Variants in CPOX observed in about 807,000 individuals in gnomAD.
The protein encoded by CPOX is oxygen-dependent coproporphyrinogen-III oxidase, mitochondrial.
In CPOX, 24 loss-of-function variants were observed where a neutral mutation model predicts 48.9. That is an observed-to-expected ratio of 0.49 (90% CI 0.36 to 0.69). The LOEUF is 0.69. CPOX is among the 30% of genes least tolerant of loss of function. CPOX has a pLI of 0.00. For synonymous variants in CPOX, 249 were observed against 234.6 expected (o/e 1.06, Z -0.56); for missense variants, 549 against 597.3 (o/e 0.92, Z 0.84).
the CPOX span, among the ~76,000 whole-genome samples, chr3:98,573,852 T>C: frequency 6.6e-6 from 1 of 152,240 alleles, no homozygotes. Context: ...TTGTAATATT[T>C]GAGCCTTTAT....
In CPOX at chr3:98,593,124, G is replaced by A. The variant is rs928997800; in HGVS notation, c.381C>T (p.Cys127=). ...TCACAGGCGGGGCCATGAAGCTGCT[G>A]CAGCGGTGGGCCAGCTCATCCTCCT... is the stretch of plus-strand genomic sequence containing the variant. The part of the protein sequence containing the change: ...EEEEDELAHR[C]SSFMAPPVTD... Residue 127 remains cysteine, a synonymous_variant, in exon 1 of 7, where the codon TGC becomes TGT. Coordinates refer to ENST00000647941, the MANE Select transcript of CPOX (RefSeq NM_000097.7). 6.2e-7 allele frequency: 1 copy of A among 1,613,388 alleles called. No homozygotes were observed. The highest frequency in any genetic ancestry group is 1.7e-4 in the Middle Eastern group (1 of 6,058).
chr3:98,582,737 C>T (rs772541954), intron 5 of CPOX, among the ~76,000 whole-genome samples: 18 of 152,180 alleles, frequency 1.2e-4, no homozygotes, highest in Admixed American at 9.2e-4. Context: ...GTGATCTGCC[C>T]GCCTCGGCCT....
the CPOX span, among the ~76,000 whole-genome samples, chr3:98,573,277 A>G: frequency 5.6e-4 from 85 of 152,334 alleles, 1 homozygote; most frequent in African/African-American, 2.0e-3. Flanking sequence ...GAATCTCCCA[A>G]TCATAAAGTG....
At chr3:98,571,714 A>G in the CPOX span, among the ~76,000 whole-genome samples, 1 of 151,694 alleles carries the variant, frequency 6.6e-6, no homozygotes, top group Admixed American at 6.6e-5. Context: ...AAGAAAAAAA[A>G]GAAAACGCTG....
chr3:98,592,839 C>G, intron 1 of CPOX, 110 bp downstream of exon 1: 1 of 1,226,820 alleles, frequency 8.2e-7, no homozygotes, highest in South Asian at 1.3e-5. Context: ...TCTGTGGGTA[C>G]CCCCTACCTA....
intron 5 of CPOX, among the ~76,000 whole-genome samples, chr3:98,583,147 CT>C: frequency 6.6e-6 from 1 of 152,280 alleles, no homozygotes; most frequent in Admixed American, 6.5e-5. Context: ...AATGAATTTT[CT>C]GTTGGATCCT....
At chr3:98,589,246 G>A (rs1467453347) in intron 3 of CPOX, among the ~76,000 whole-genome samples, 2 of 152,156 alleles carry the variant, frequency 1.3e-5, no homozygotes, top group Non-Finnish European at 2.9e-5. Context: ...TTGAACCCAG[G>A]AGGTGGAGGT....
At chr3:98,579,112 C>T (rs953453923), downstream of CPOX, among the ~76,000 whole-genome samples, 5 of 152,194 alleles carry the variant, frequency 3.3e-5, no homozygotes, top group Admixed American at 2.0e-4. Context: ...AAGACCTTTA[C>T]GATGATTCAC....
chr3:98,592,449 C>T (rs938447903), intron 1 of CPOX, among the ~76,000 whole-genome samples: 2 of 152,216 alleles, frequency 1.3e-5, no homozygotes, highest in African/African-American at 2.4e-5. Context: ...TCAAATATAT[C>T]TTGTGTAACA....
At chr3:98,583,832 A>T (rs1055133372) in intron 5 of CPOX, among the ~76,000 whole-genome samples, 1 of 152,196 alleles carries the variant, frequency 6.6e-6, no homozygotes, top group African/African-American at 2.4e-5. Context: ...AACCAAAGAC[A>T]GTGTTGATAG....
chr3:98,593,574 C>G lies in CPOX; in HGVS notation c.-70G>C. ...TGCGTTTGAGCCCCCCACCCAGACCCCCGGAGTATTGAGCCGGCGAGCTGC... is the reference window on the plus strand; with the variant it reads ...TGCGTTTGAGCCCCCCACCCAGACCGCCGGAGTATTGAGCCGGCGAGCTGC... On this transcript the variant is annotated 5_prime_UTR_variant, in exon 1 of 7. Transcript: ENST00000647941. 1.4e-6 allele frequency: 2 copies of G among 1,443,928 alleles called. No individual in the cohort carries two copies. The highest frequency in any genetic ancestry group is 1.8e-6 in the Non-Finnish European group (2 of 1,084,256). The allele number at this position is 1,443,928 out of a possible 1,614,324, so 89.4% of individuals were successfully genotyped here. A position where few individuals can be genotyped will look rare whatever the true frequency, so the allele number is the denominator to read the frequency against.
rs372637687 is a variant in CPOX, at chr3:98,585,546, C to T, written c.1067G>A (p.Ser356Asn). ...AGAAGGAACTACAGCCCTGGCACAG[C>T]TCTGTACAAAGCGAAACACCTCCTC... ...SKEEVFRFVQSCARAVVPSYI... is the reference protein window; with the variant it reads ...SKEEVFRFVQNCARAVVPSYI... Residue 356 changes from serine (S) to asparagine (N), a missense_variant, in exon 5 of 7, where the codon AGC (serine) becomes AAC (asparagine). Ser to Asn is a conservative substitution (Grantham distance 46, BLOSUM62 1). Transcript: ENST00000647941. The T allele has an allele frequency of 4.9e-5, 79 of 1,613,970 alleles. No individual in the cohort carries two copies. Among genetic ancestry groups the T allele is most frequent in the Non-Finnish European group, 6.4e-5 (75 of 1,179,998 alleles).
downstream of CPOX, among the ~76,000 whole-genome samples, chr3:98,576,072 C>CAAAAAAAA (rs56988806): frequency 1.5e-4 from 11 of 71,398 alleles, no homozygotes; most frequent in South Asian, 7.8e-4. Context: ...AACTCTGCCT[C>CAAAAAAAA]AAAAAAAAAA....
chr3:98,578,055 A>G (rs1255087622), downstream of CPOX, among the ~76,000 whole-genome samples: 1 of 152,046 alleles, frequency 6.6e-6, no homozygotes, highest in Non-Finnish European at 1.5e-5. Flanking sequence ...CCCTCCAGAC[A>G]CCCTTTATTA....
At chr3:98,573,844 G>A in the CPOX span, among the ~76,000 whole-genome samples, 1 of 152,162 alleles carries the variant, frequency 6.6e-6, no homozygotes, top group Non-Finnish European at 1.5e-5. Flanking sequence ...AACAACCATT[G>A]TAATATTTGA....
At chr3:98,592,901 G>C (rs1707506936) in intron 1 of CPOX, 48 bp downstream of exon 1, 1 of 1,569,282 alleles carries the variant, frequency 6.4e-7, no homozygotes, top group Non-Finnish European at 8.7e-7. Context: ...CCTGGAACCT[G>C]ACCCTTTTTC....
intron 5 of CPOX, 28 bp downstream of exon 5, chr3:98,585,411 CAT>C (rs1414443670): frequency 6.3e-7 from 1 of 1,580,344 alleles, no homozygotes; most frequent in Non-Finnish European, 8.7e-7. Context: ...CCCACTTAGC[CAT>C]GAAAGAATTC....
intron 5 of CPOX, 76 bp from the exon 6 acceptor site, chr3:98,581,587 A>G: frequency 8.2e-7 from 1 of 1,219,456 alleles, no homozygotes. Context: ...AAATACTTAA[A>G]AAGGGGTGGG....
intron 4 of CPOX, chr3:98,585,875 TTTTC>T (rs1336496884): frequency 3.7e-5 from 20 of 536,230 alleles, no homozygotes; most frequent in African/African-American, 1.9e-4. Flanking sequence ...TTTTCTTTTC[TTTTC>T]TTTTTTTTTT....
Sources: allele counts gnomAD v4.1 joint callset (sites outside exome capture counted in the v4.1 genomes callset), GRCh38; gene constraint gnomAD v4.1.1; transcripts MANE v1.5; gene names NCBI Gene and HGNC (gene_info 2026-07-23, HGNC 2026-07-21).